Variants in PRKN observed in about 807,000 individuals in gnomAD.
PRKN encodes the protein E3 ubiquitin-protein ligase parkin.
In PRKN, 56 loss-of-function variants were observed where a neutral mutation model predicts 59.5. The ratio of observed to expected loss-of-function variants is 0.94; its 90% CI spans 0.76 to 1.18. The LOEUF (loss-of-function observed/expected upper bound fraction) is 1.18. Ranked by LOEUF, PRKN falls within the 50% of genes most tolerant of loss-of-function variation. PRKN has a pLI of 0.00. For synonymous variants in PRKN, 250 were observed against 222.1 expected (o/e 1.13, Z -1.12); for missense variants, 657 against 596.4 (o/e 1.10, Z -1.06).
At position 162,388,873 on chromosome 6, in the gene PRKN, C is replaced by A. The variant is rs189460391; in HGVS notation, c.171+54437G>T. Among the ~76,000 whole-genome samples, 339 of 152,160 alleles carry A rather than the reference C, an allele frequency of 2.2e-3. 2 individuals carry two copies. Among genetic ancestry groups the A allele is most frequent in the African/African-American group, 7.1e-3 (296 of 41,524 alleles). On this transcript the variant is annotated intron_variant, in intron 2 of 11. Coordinates refer to ENST00000366898, the MANE Select transcript of PRKN (RefSeq NM_004562.3). ...AAGTCGGGTATGGGGGTCTGATGCC[C>A]TGGCAAAGGAACTGAAAGACTTACC...
At chr6:162,065,554 CTT>C (rs76912779) in intron 4 of PRKN, among the ~76,000 whole-genome samples, 3 of 142,876 alleles carry the variant, frequency 2.1e-5, no homozygotes, top group Admixed American at 7.1e-5. Context: ...TTTTCTTTTT[CTT>C]TTTTTTTTTT....
chr6:162,500,240 C>T (rs1338903708), intron 1 of PRKN, among the ~76,000 whole-genome samples: 10 of 149,254 alleles, frequency 6.7e-5, no homozygotes, highest in Non-Finnish European at 1.0e-4. Flanking sequence ...TGCATGATAT[C>T]GGCTCACTGC....
At chr6:162,339,535 C>T (rs1371201486) in intron 2 of PRKN, among the ~76,000 whole-genome samples, 83 of 140,694 alleles carry the variant, frequency 5.9e-4, no homozygotes, top group African/African-American at 2.0e-3. Flanking sequence ...GCCCCCCGCC[C>T]GGCCAGCCGC....
intron 3 of PRKN, among the ~76,000 whole-genome samples, chr6:162,202,201 TA>T (rs945610784): frequency 7.0e-4 from 106 of 152,250 alleles, no homozygotes; most frequent in African/African-American, 2.4e-3. Flanking sequence ...AGAGATAATA[TA>T]TTTTTTTTTA....
At chr6:161,415,312 T>A (rs1787789311) in intron 9 of PRKN, among the ~76,000 whole-genome samples, 1 of 152,112 alleles carries the variant, frequency 6.6e-6, no homozygotes, top group African/African-American at 2.4e-5. Context: ...ATTACGAACA[T>A]TTTCAAGATC....
At chr6:161,509,358 T>C (rs60538195) in intron 9 of PRKN, among the ~76,000 whole-genome samples, 12,313 of 152,090 alleles carry the variant, frequency 0.081, 730 homozygotes, top group African/African-American at 0.16. Context: ...AAATGATCCA[T>C]TCTGAGATCA....
intron 6 of PRKN, among the ~76,000 whole-genome samples, chr6:161,963,243 C>G (rs1163398609): frequency 1.3e-5 from 2 of 152,202 alleles, no homozygotes; most frequent in Non-Finnish European, 2.9e-5. Context: ...GCAAGGTTGA[C>G]CCTAACGGAT....
chr6:161,743,125 T>C (rs1788256999), intron 7 of PRKN, among the ~76,000 whole-genome samples: 2 of 151,882 alleles, frequency 1.3e-5, no homozygotes, highest in African/African-American at 2.4e-5. Context: ...AGATTTGGAA[T>C]GAATATTTTA....
intron 6 of PRKN, among the ~76,000 whole-genome samples, chr6:161,961,314 G>T (rs990535503): frequency 1.3e-5 from 2 of 152,170 alleles, no homozygotes; most frequent in African/African-American, 4.8e-5. Flanking sequence ...ATGCAAGGAG[G>T]AGGTACTTCA....
intron 4 of PRKN, among the ~76,000 whole-genome samples, chr6:162,104,939 G>T (rs1780127820): frequency 6.6e-6 from 1 of 152,160 alleles, no homozygotes; most frequent in African/African-American, 2.4e-5. Flanking sequence ...AAGGATAAAA[G>T]GACTAGTTCT....
chr6:162,679,174 A>C (rs913967862), intron 1 of PRKN, among the ~76,000 whole-genome samples: 3 of 151,430 alleles, frequency 2.0e-5, no homozygotes, highest in Non-Finnish European at 4.4e-5. Flanking sequence ...ATCTCGCCTC[A>C]CTGCAACCTC....
chr6:162,404,082 T>A (rs1787939585), intron 2 of PRKN, among the ~76,000 whole-genome samples: 1 of 152,086 alleles, frequency 6.6e-6, no homozygotes, highest in African/African-American at 2.4e-5. Flanking sequence ...TTAGAAATAA[T>A]CCTTTTTGGC....
In PRKN at chr6:162,581,211, A is replaced by C. The variant is rs1185803900; in HGVS notation, c.8-137738T>G. Reference sequence around the variant, plus strand: ...CAAGCATCTGAGATATAGGAGGTTAAGTGAAGGTCAAAAGAGACAGTTAGA... The same window carrying C: ...CAAGCATCTGAGATATAGGAGGTTACGTGAAGGTCAAAAGAGACAGTTAGA... On this transcript the variant is annotated intron_variant, in intron 1 of 11. Coordinates refer to ENST00000366898, the MANE Select transcript of PRKN (RefSeq NM_004562.3). Among the ~76,000 whole-genome samples, 4 of 152,374 alleles carry C rather than the reference A, an allele frequency of 2.6e-5. No individual in the cohort carries two copies. In the East Asian group the frequency reaches 7.7e-4, roughly 29 times the overall value.
chr6:162,108,710 C>G (rs1237633980), intron 4 of PRKN, among the ~76,000 whole-genome samples: 1 of 152,172 alleles, frequency 6.6e-6, no homozygotes, highest in African/African-American at 2.4e-5. Context: ...AACGGAGGAC[C>G]TGTTTGTGAA....
At chr6:162,326,180 A>G (rs1783266711) in intron 2 of PRKN, among the ~76,000 whole-genome samples, 1 of 152,184 alleles carries the variant, frequency 6.6e-6, no homozygotes, top group Non-Finnish European at 1.5e-5. Context: ...TTGAAGTTAC[A>G]ACAAATTAAG....
At chr6:162,172,550 T>C (rs1334346888) in intron 4 of PRKN, among the ~76,000 whole-genome samples, 1 of 152,190 alleles carries the variant, frequency 6.6e-6, no homozygotes. Flanking sequence ...GTGATTACTT[T>C]CTTTATTTCT....
intron 1 of PRKN, among the ~76,000 whole-genome samples, chr6:162,647,124 T>C (rs778046159): frequency 6.6e-6 from 1 of 151,944 alleles, no homozygotes; most frequent in Non-Finnish European, 1.5e-5. Context: ...AGGTAAACAC[T>C]GAGCAATTTC....
chr6:161,965,887 C>A (rs1487056378), intron 6 of PRKN, among the ~76,000 whole-genome samples: 1 of 151,946 alleles, frequency 6.6e-6, no homozygotes, highest in Non-Finnish European at 1.5e-5. Flanking sequence ...TAATGGCTAC[C>A]CTTAGAGACA....
chr6:162,357,867 A>G lies in PRKN; in HGVS notation c.171+85443T>C, dbSNP rs548066751. 5.9e-5 allele frequency among the ~76,000 whole-genome samples: 9 copies of G among 152,344 alleles called. 1 individual carries two copies. In the East Asian group the frequency reaches 1.3e-3, roughly 23 times the overall value. On this transcript the variant is annotated intron_variant, in intron 2 of 11. Transcript: ENST00000366898. ...ATATTTGGAAAAAGCAAAACTATATATAGAAGCAGTGAAAGATCAGTGATT... is the reference window on the plus strand; with the variant it reads ...ATATTTGGAAAAAGCAAAACTATATGTAGAAGCAGTGAAAGATCAGTGATT...
Sources: allele counts gnomAD v4.1 joint callset (sites outside exome capture counted in the v4.1 genomes callset), GRCh38; gene constraint gnomAD v4.1.1; transcripts MANE v1.5; gene names NCBI Gene and HGNC (gene_info 2026-07-23, HGNC 2026-07-21).